The following MYO1G variants were observed in gnomAD, a reference collection of about 807,000 sequenced individuals.
MYO1G encodes myosin IG.
A neutral mutation model predicts 115.3 loss-of-function variants in MYO1G; 65 were observed. The ratio of observed to expected loss-of-function variants is 0.56; its 90% confidence interval spans 0.46 to 0.69. The LOEUF (loss-of-function observed/expected upper bound fraction) is 0.69, where lower values mean the gene tolerates loss of function less well. Among genes scored for constraint, MYO1G ranks in the 30% least tolerant of loss-of-function variants. The pLI, the probability that MYO1G is intolerant of heterozygous loss-of-function variation, is 0.00. For missense variants in MYO1G, 1,204 were observed against 1,393.5 expected, an observed-to-expected ratio of 0.86 and a Z score of 2.16; for synonymous variants, 510 against 552.6, an observed-to-expected ratio of 0.92 and a Z score of 1.08.
In MYO1G at chr7:44,966,835, G is replaced by T. The variant is rs369047872; in HGVS notation, c.1786C>A (p.Pro596Thr). 18 of 1,604,798 alleles carry T rather than the reference G, an allele frequency of 1.1e-5. No individual in the cohort carries two copies. Among genetic ancestry groups the T allele is most frequent in the African/African-American group, 5.3e-5 (4 of 74,786 alleles). ...ALVENLASKE[P>T]FYVRCIKPNE... is the part of the protein sequence containing the mutation. ...GGCTTGATGCAGCGGACGTAGAAGGGCTCCTGCAGGGACAGAGGGGACTTG... is the reference window on the plus strand; with the variant it reads ...GGCTTGATGCAGCGGACGTAGAAGGTCTCCTGCAGGGACAGAGGGGACTTG... Residue 596 changes from proline to threonine, a missense_variant, in exon 15 of 22, where the codon CCC becomes ACC. By Grantham distance (38) the Pro-to-Thr change is conservative. Coordinates refer to ENST00000258787, the MANE Select transcript of MYO1G (RefSeq NM_033054.3). The surrounding 1 kb of genome is among the most constrained non-coding windows in gnomAD (Gnocchi z 5.0).
At position 44,969,478 on chromosome 7, in the gene MYO1G, G is replaced by T; in HGVS notation, c.1509C>A (p.Cys503Ter). The change falls in exon 12 of 22, where the codon TGC (cysteine) becomes TGA (stop). Residue 503 changes from cysteine to a stop codon, truncating the protein, a stop_gained. Transcript: ENST00000258787. LOFTEE classifies it high-confidence loss of function. This position sits in a 1 kb window ranked among gnomAD's most constrained non-coding sequence, Gnocchi z 5.0. The stretch of plus-strand genomic sequence containing the variant: ...CAAACTCCATGGTCTTGTCTGTGGG[G>T]CAGAGCTATGGGGACAGGCTGAGGT... The part of the protein sequence containing the change: ...HHLHYTSRQL[C>*]PTDKTMEFGR... 6.2e-7 allele frequency: 1 copy of T among 1,613,874 alleles called. No individual in the cohort carries two copies.
At position 44,977,084 on chromosome 7, in the gene MYO1G, G is replaced by A. The variant is rs747125130; in HGVS notation, c.96-13C>T. 5 of 1,611,708 alleles carry A rather than the reference G, an allele frequency of 3.1e-6. No homozygotes were observed. In the African/African-American group the frequency reaches 6.7e-5, roughly 22 times the overall value. On this transcript the variant is annotated splice_polypyrimidine_tract_variant and intron_variant, in intron 1 of 21. Transcript: ENST00000258787. Reference sequence around the variant, plus strand: ...GCCCTTCTCGAACCTGGACACAGCAGGGGTAGGCCTCAGCACTCACAGGCT... The same window carrying A: ...GCCCTTCTCGAACCTGGACACAGCAAGGGTAGGCCTCAGCACTCACAGGCT...
rs921393214 is a variant in MYO1G at position 44,972,003 on chromosome 7, C to T, written c.729+112G>A. On this transcript the variant is annotated intron_variant, in intron 6 of 21. Transcript: ENST00000258787. The stretch of plus-strand genomic sequence containing the variant: ...CCACCCCGAGCACCCTCCCCACTCA[C>T]GCAAACAGTTCACTTCACCCTGGCC... The T allele has an allele frequency of 9.8e-5, 90 of 914,524 alleles. 1 individual carries two copies. Among genetic ancestry groups the T allele is most frequent in the African/African-American group, 8.4e-4 (52 of 61,944 alleles). 56.7% of individuals were successfully genotyped at this position (914,524 alleles called of 1,614,324 possible). A position where few individuals can be genotyped will look rare whatever the true frequency, so the allele number is the denominator to read the frequency against.
chr7:44,966,133 C>G lies in MYO1G; in HGVS notation c.2097G>C (p.Leu699=). The G allele has an allele frequency of 6.2e-7, 1 of 1,613,178 alleles. No homozygotes were observed. Among genetic ancestry groups the G allele is most frequent in the South Asian group, 1.1e-5 (1 of 91,064 alleles). The change falls in exon 16 of 22, where the codon CTG becomes CTC. Residue 699 remains leucine (L), a synonymous_variant. Transcript: ENST00000258787. This position sits in a 1 kb window ranked among gnomAD's most constrained non-coding sequence, Gnocchi z 5.0. ...SKLFIRSPRT[L]VTLEQSRARL... is the part of the protein sequence containing the mutation. ...GGGCTCGGCTCTGCTCCAGTGTGAC[C>G]AGTGTCCGGGGTGAGCGGATGAACA...
Position 44,978,945 on chromosome 7 carries a change from C to A in MYO1G, c.17G>T (p.Gly6Val), listed in dbSNP as rs1009219002. ...AAAGTCAGGTTTGCCATACTCAGGG[C>A]CTTCCTCGTCCTCCATCCTGCCGGC... is the stretch of plus-strand genomic sequence containing the variant. MEDEE[G>V]PEYGKPDFVL... The change falls in exon 1 of 22, where the codon GGC becomes GTC. Residue 6 changes from glycine to valine, a missense_variant. Transcript: ENST00000258787. The A allele has an allele frequency of 3.7e-6, 6 of 1,614,064 alleles. No individual in the cohort carries two copies. In the African/African-American group the frequency reaches 6.7e-5, roughly 18 times the overall value.
Position 44,965,937 on chromosome 7 carries a change from A to G in MYO1G, c.2158-77T>C, listed in dbSNP as rs1794833511. The G allele has an allele frequency of 1.9e-6, 3 of 1,548,852 alleles. No individual in the cohort carries two copies. The South Asian group carries it at 3.4e-5, about 17-fold the overall frequency. ...ACCCTTAGACCCAAACCTGGCCCTG[A>G]GCATTTATTGAGCACTCCCTGGCCT... On this transcript the variant is annotated intron_variant, in intron 16 of 21. Transcript: ENST00000258787.
At chr7:44,968,088 T>C in intron 12 of MYO1G, 130 bp from the exon 13 acceptor site, 1 of 728,010 alleles carries the variant, frequency 1.4e-6, no homozygotes, top group Non-Finnish European at 2.4e-6. Context: ...TTCCTCCCTC[T>C]GCCTTGGCTC....
intron 3 of MYO1G, among the ~76,000 whole-genome samples, chr7:44,975,856 G>A (rs975081845): frequency 6.6e-6 from 1 of 152,202 alleles, no homozygotes; most frequent in African/African-American, 2.4e-5. Context: ...GCTGGGAAAT[G>A]CACTTGCCGG....
intron 1 of MYO1G, among the ~76,000 whole-genome samples, chr7:44,978,143 C>T (rs753301942): frequency 1.1e-4 from 17 of 152,122 alleles, no homozygotes; most frequent in Non-Finnish European, 2.2e-4. Flanking sequence ...AGGGAGCTTC[C>T]GGAGTACACA....
intron 1 of MYO1G, among the ~76,000 whole-genome samples, chr7:44,978,128 T>C (rs915420617): frequency 6.6e-6 from 1 of 152,044 alleles, no homozygotes; most frequent in Non-Finnish European, 1.5e-5. Context: ...CCCCAAGCTC[T>C]CCCCAGGGAG....
rs188149579 is a variant in MYO1G at position 44,967,497 on chromosome 7, C to T, written c.1782+108G>A. 3 of 1,442,876 alleles carry T rather than the reference C, an allele frequency of 2.1e-6. No individual in the cohort carries two copies. The East Asian group carries it at 6.9e-5, about 33-fold the overall frequency. The allele number at this position is 1,442,876 out of a possible 1,614,324, so 89.4% of individuals were successfully genotyped here. A position where few individuals can be genotyped will look rare whatever the true frequency, so the allele number is the denominator to read the frequency against. ...TGGCTCATACAGACAGGACAAGAAC[C>T]CTCTCCCCACCACTATGATGTACAG... On this transcript the variant is annotated intron_variant, in intron 14 of 21. Transcript: ENST00000258787.
Position 44,962,777 on chromosome 7 carries a change from C to A in MYO1G, c.3019G>T (p.Ala1007Ser). The A allele has an allele frequency of 1.3e-6, 2 of 1,496,662 alleles. No individual in the cohort carries two copies. Among genetic ancestry groups the A allele is most frequent in the Non-Finnish European group, 1.8e-6 (2 of 1,131,514 alleles). The allele number at this position is 1,496,662 out of a possible 1,614,324, so 92.7% of individuals were successfully genotyped here. Residue 1007 changes from alanine (A) to serine (S), a missense_variant, in exon 22 of 22, where the codon GCT becomes TCT. By Grantham distance (99) the Ala-to-Ser change is moderately conservative (BLOSUM62 1). Coordinates refer to ENST00000258787, the MANE Select transcript of MYO1G (RefSeq NM_033054.3). This position sits in a 1 kb window ranked among gnomAD's most constrained non-coding sequence, Gnocchi z 5.3. ...CAGAGCAGGGTGAAGGAGCCGCGAG[C>A]GCAGCGGAAATCGGGCTCTGGCTGC... ...PEQPEPDFRC[A>S]RGSFTLLWPS...
chr7:44,966,213 CGCTCACGGCTGCCTTGTCGGAGCCCA>C lies in MYO1G; in HGVS notation c.1991_2016del (p.Leu664ArgfsTer82). On this transcript the variant is annotated frameshift_variant, in exon 16 of 22. Transcript: ENST00000258787. LOFTEE classifies it high-confidence loss of function. The surrounding 1 kb of genome is among the most constrained non-coding windows in gnomAD (Gnocchi z 5.0). ...TGCAGCCCGTGCTGCTCCAGGAGAGCGCTCACGGCTGCCTTGTCGGAGCCCAGCAGGTGGTTGGGCCATGTGTATTC... is the reference window on the plus strand; with the variant it reads ...TGCAGCCCGTGCTGCTCCAGGAGAGCGCAGGTGGTTGGGCCATGTGTATTC... 6.2e-7 allele frequency: 1 copy of C among 1,612,240 alleles called. No individual in the cohort carries two copies. The highest frequency in any genetic ancestry group is 8.5e-7 in the Non-Finnish European group (1 of 1,179,758).
intron 5 of MYO1G, 86 bp downstream of exon 5, chr7:44,975,088 T>C (rs1375224453): frequency 3.0e-5 from 41 of 1,388,990 alleles, no homozygotes; most frequent in Middle Eastern, 1.8e-4. Flanking sequence ...ATTGGGGTAG[T>C]GATGGAAGGG....
chr7:44,975,468 C>T lies in MYO1G; in HGVS notation c.564+16G>A, dbSNP rs1013578160. 14 of 1,600,002 alleles carry T rather than the reference C, an allele frequency of 8.7e-6. No individual in the cohort carries two copies. The highest frequency in any genetic ancestry group is 1.3e-5 in the African/African-American group (1 of 74,926). On this transcript the variant is annotated intron_variant, in intron 4 of 21. Transcript: ENST00000258787. ...CCAGGGCTCCCCATGGAGGTCTCCTCAGCCCACCTGCCCACCTTCTCCAGT... is the reference window on the plus strand; with the variant it reads ...CCAGGGCTCCCCATGGAGGTCTCCTTAGCCCACCTGCCCACCTTCTCCAGT...
chr7:44,962,735 GCGCTC>G lies in MYO1G; in HGVS notation c.3056_*3del. 6.9e-7 allele frequency: 1 copy of G among 1,457,246 alleles called. No homozygotes were observed. Among genetic ancestry groups the G allele is most frequent in the Non-Finnish European group, 9.0e-7 (1 of 1,115,276 alleles). The allele number at this position is 1,457,246 out of a possible 1,614,324, so 90.3% of individuals were successfully genotyped here. A position where few individuals can be genotyped will look rare whatever the true frequency, so the allele number is the denominator to read the frequency against. ...CGGCCTCGGGGTGCGGCGGGTGCGG[GCGCTC>G]AGCGGCTGGGCCAGAGCAGGGTGAA... On this transcript the variant is annotated stop_lost and 3_prime_UTR_variant, in exon 22 of 22. Transcript: ENST00000258787. This position sits in a 1 kb window ranked among gnomAD's most constrained non-coding sequence, Gnocchi z 5.3.
intron 13 of MYO1G, 26 bp from the exon 14 acceptor site, chr7:44,967,763 C>T (rs1245379743): frequency 6.2e-7 from 1 of 1,612,770 alleles, no homozygotes; most frequent in South Asian, 1.1e-5. Flanking sequence ...GAATTCCCAG[C>T]CATCCTCTGG....
Position 44,967,902 on chromosome 7 carries a change from T to A in MYO1G, c.1631A>T (p.Lys544Met). 5 of 1,614,060 alleles carry A rather than the reference T, an allele frequency of 3.1e-6. No homozygotes were observed. Among genetic ancestry groups the A allele is most frequent in the Non-Finnish European group, 4.2e-6 (5 of 1,180,028 alleles). Residue 544 changes from lysine to methionine, a missense_variant, in exon 13 of 22, where the codon AAG becomes ATG. Physicochemically the swap from Lys to Met is moderately conservative, Grantham distance 95 (BLOSUM62 -1). Coordinates refer to ENST00000258787, the MANE Select transcript of MYO1G (RefSeq NM_033054.3). ...KNRDFLFQDF[K>M]RLLYNSTDPT... is the part of the protein sequence containing the mutation. ...TGCTCACCTGTTGTACAGCAGCCGC[T>A]TGAAGTCCTGGAAGAGGAAATCTCT...
intron 1 of MYO1G, 139 bp from the exon 2 acceptor site, chr7:44,977,210 G>C (rs554491015): frequency 2.6e-6 from 2 of 775,380 alleles, no homozygotes; most frequent in East Asian, 2.7e-5. Context: ...AAGGAAGAAG[G>C]GGGCAGGTGT....
Sources: gnomAD v4.1 joint callset for allele counts (sites outside exome capture counted in the v4.1 genomes callset) on GRCh38, gnomAD v4.1.1 for gene constraint, Gnocchi (gnomAD v3.1) non-coding constraint, MANE v1.5 for transcripts, NCBI Gene and HGNC (gene_info 2026-07-23, HGNC 2026-07-21) for gene names.